Variants in OSBPL6 observed in about 807,000 individuals in gnomAD.
The protein encoded by OSBPL6 is oxysterol binding protein like 6.
OSBPL6 carries 49 observed loss-of-function variants against 125.8 expected under a neutral mutation model. The observed-to-expected ratio is 0.39, with a 90% CI of 0.31 to 0.49. The LOEUF (loss-of-function observed/expected upper bound fraction) is 0.49. Among genes scored for constraint, OSBPL6 ranks in the 20% least tolerant of loss-of-function variants. OSBPL6 has a pLI of 0.88. For synonymous variants in OSBPL6, 394 were observed against 391.8 expected (o/e 1.01, Z -0.07); for missense variants, 986 against 1,135.4 (o/e 0.87, Z 1.89).
chr2:178,386,825 CAT>C (rs1423920059), intron 19 of OSBPL6, among the ~76,000 whole-genome samples: 2 of 143,048 alleles, frequency 1.4e-5, no homozygotes, highest in African/African-American at 5.1e-5. Flanking sequence ...TATAGAGAAA[CAT>C]AGATAGTGGG....
Position 178,306,176 on chromosome 2 carries a change from A to G in OSBPL6, c.-9A>G. 6.3e-7 allele frequency: 1 copy of G among 1,591,320 alleles called. No homozygotes were observed. The highest frequency in any genetic ancestry group is 8.6e-7 in the Non-Finnish European group (1 of 1,159,354). ...CTTAAGTGCATAAAACGAGACTCTA[A>G]CTGCAGCGATGAGTTCAGATGAGAA... On this transcript the variant is annotated 5_prime_UTR_variant, in exon 3 of 25. Coordinates refer to ENST00000190611, the MANE Select transcript of OSBPL6 (RefSeq NM_032523.4).
chr2:178,306,592 C>T (rs971274041), intron 3 of OSBPL6, among the ~76,000 whole-genome samples: 5 of 152,164 alleles, frequency 3.3e-5, no homozygotes, highest in African/African-American at 9.7e-5. Context: ...ACACTCTTCT[C>T]TTCGTTCATG....
rs919080963 is a variant in OSBPL6, at chr2:178,395,991, A to G, written c.*432A>G. On this transcript the variant is annotated 3_prime_UTR_variant, in exon 25 of 25. Transcript: ENST00000190611. Reference sequence around the variant, plus strand: ...CCTATCGCAGGACTCCTGGGCCACAAGCAGTCGGTCAGTGCAGACTTCAAG... The same window carrying G: ...CCTATCGCAGGACTCCTGGGCCACAGGCAGTCGGTCAGTGCAGACTTCAAG... 1 of 349,804 alleles carries G rather than the reference A, an allele frequency of 2.9e-6. No homozygotes were observed. Among genetic ancestry groups the G allele is most frequent in the Non-Finnish European group, 5.6e-6 (1 of 180,092 alleles). 21.7% of individuals were successfully genotyped at this position (349,804 alleles called of 1,614,324 possible).
At chr2:178,203,379 G>A (rs1260900510) in intron 1 of OSBPL6, among the ~76,000 whole-genome samples, 1 of 152,154 alleles carries the variant, frequency 6.6e-6, no homozygotes, top group East Asian at 1.9e-4. Context: ...AATGTCTACA[G>A]TATTAATCTC....
At chr2:178,214,116 C>G (rs918355028) in intron 1 of OSBPL6, among the ~76,000 whole-genome samples, 3 of 152,176 alleles carry the variant, frequency 2.0e-5, no homozygotes, top group Admixed American at 6.5e-5. Flanking sequence ...GCACACTATT[C>G]TCTCCCCAGT....
chr2:178,273,055 G>A (rs1418237091), intron 1 of OSBPL6, among the ~76,000 whole-genome samples: 1 of 152,190 alleles, frequency 6.6e-6, no homozygotes, highest in Non-Finnish European at 1.5e-5. Flanking sequence ...AAAAGGATGG[G>A]ATTTAGACTT....
chr2:178,327,316 A>G (rs1004210956), intron 4 of OSBPL6, among the ~76,000 whole-genome samples: 2 of 152,206 alleles, frequency 1.3e-5, no homozygotes, highest in African/African-American at 4.8e-5. Flanking sequence ...ACATGTAGAC[A>G]CACAGTAAAC....
At position 178,349,271 on chromosome 2, in the gene OSBPL6, C is replaced by G; in HGVS notation, c.1035C>G (p.Asn345Lys). ...CACCAGTTCGCTTGCATTCCTCCAA[C>G]CCCAACCTTTGTGCAGATATTGAAT... ...TMSPVRLHSS[N>K]PNLCADIEFQ... The change falls in exon 12 of 25, where the codon AAC (asparagine) becomes AAG (lysine). Residue 345 changes from asparagine to lysine, a missense_variant. Transcript: ENST00000190611. 1 of 1,614,176 alleles carries G rather than the reference C, an allele frequency of 6.2e-7. No homozygotes were observed. The highest frequency in any genetic ancestry group is 8.5e-7 in the Non-Finnish European group (1 of 1,179,998).
intron 1 of OSBPL6, among the ~76,000 whole-genome samples, chr2:178,226,713 C>T (rs1011960243): frequency 3.9e-5 from 6 of 152,114 alleles, no homozygotes; most frequent in Non-Finnish European, 8.8e-5. Flanking sequence ...AAAAAGTCAA[C>T]TTCAGAAGGT....
At chr2:178,361,931 G>A in intron 13 of OSBPL6, 116 bp downstream of exon 13, 2 of 1,261,420 alleles carry the variant, frequency 1.6e-6, no homozygotes, top group Admixed American at 2.9e-5. Context: ...AGTACAGTTT[G>A]CAGAATTTCC....
intron 1 of OSBPL6, among the ~76,000 whole-genome samples, chr2:178,278,414 T>A (rs1157344802): frequency 1.3e-5 from 2 of 152,240 alleles, no homozygotes; most frequent in Non-Finnish European, 2.9e-5. Context: ...TTGATGTTTA[T>A]ATATAATAAC....
At chr2:178,339,129 G>A (rs761709489) in intron 10 of OSBPL6, 35 bp downstream of exon 10, 9 of 1,371,344 alleles carry the variant, frequency 6.6e-6, no homozygotes, top group East Asian at 2.3e-5. Flanking sequence ...AAAGGACTTA[G>A]GGTATTAATT....
At chr2:178,339,326 C>G (rs1172630943) in intron 10 of OSBPL6, among the ~76,000 whole-genome samples, 3 of 152,110 alleles carry the variant, frequency 2.0e-5, no homozygotes, top group Non-Finnish European at 4.4e-5. Flanking sequence ...GAAATACATT[C>G]AGTATCTGAA....
chr2:178,400,981 A>G lies in OSBPL6; in HGVS notation c.*5422A>G, dbSNP rs902554953. Reference sequence around the variant, plus strand: ...CGGTACAAATTTTAGATTTTCCCCCAAAAATGAAAAAAAATTATTTAAAAA... The same window carrying G: ...CGGTACAAATTTTAGATTTTCCCCCGAAAATGAAAAAAAATTATTTAAAAA... On this transcript the variant is annotated 3_prime_UTR_variant, in exon 25 of 25. Transcript: ENST00000190611. 8 of 152,216 alleles carry G rather than the reference A, an allele frequency of 5.3e-5. No homozygotes were observed. Among genetic ancestry groups the G allele is most frequent in the Non-Finnish European group, 5.9e-5 (4 of 68,032 alleles). 9.4% of individuals were successfully genotyped at this position (152,216 alleles called of 1,614,324 possible). A position where few individuals can be genotyped will look rare whatever the true frequency, so the allele number is the denominator to read the frequency against.
chr2:178,229,299 G>C (rs935960123), intron 1 of OSBPL6, among the ~76,000 whole-genome samples: 1 of 152,146 alleles, frequency 6.6e-6, no homozygotes, highest in Non-Finnish European at 1.5e-5. Context: ...TTAGAGCCTT[G>C]TCTCTGAATG....
intron 1 of OSBPL6, among the ~76,000 whole-genome samples, chr2:178,199,840 G>A (rs1198443210): frequency 1.3e-5 from 2 of 151,956 alleles, no homozygotes; most frequent in Admixed American, 6.6e-5. Flanking sequence ...CTAATCTTTC[G>A]GAACACTGGG....
chr2:178,353,119 A>G (rs1182404332), intron 12 of OSBPL6, among the ~76,000 whole-genome samples: 3 of 152,258 alleles, frequency 2.0e-5, no homozygotes, highest in Non-Finnish European at 4.4e-5. Context: ...AAAGGTAGAT[A>G]AAACCACAAA....
chr2:178,211,483 A>G (rs1257200225), intron 1 of OSBPL6, among the ~76,000 whole-genome samples: 1 of 152,154 alleles, frequency 6.6e-6, no homozygotes, highest in Non-Finnish European at 1.5e-5. Context: ...AGTTTGTCCC[A>G]GCCCCAGGAC....
intron 5 of OSBPL6, among the ~76,000 whole-genome samples, chr2:178,329,493 C>T (rs981495492): frequency 3.3e-5 from 5 of 151,562 alleles, no homozygotes; most frequent in Admixed American, 6.6e-5. Flanking sequence ...CGGCTCATTG[C>T]AACCTCCACC....
Sources: gnomAD v4.1 joint callset for allele counts (sites outside exome capture counted in the v4.1 genomes callset) on GRCh38, gnomAD v4.1.1 for gene constraint, MANE v1.5 for transcripts, NCBI Gene and HGNC (gene_info 2026-07-23, HGNC 2026-07-21) for gene names.